The following MYO3A variants were observed in gnomAD, a reference collection of about 807,000 sequenced individuals.
MYO3A encodes the protein myosin-IIIa.
Under a neutral mutation model 192.7 loss-of-function variants are expected in MYO3A, and 180 were observed. That is an observed-to-expected ratio of 0.93 (90% CI 0.83 to 1.06). The LOEUF is 1.06. Ranked by LOEUF, MYO3A falls within the 50% of genes least tolerant of loss-of-function variation. MYO3A has a pLI of 0.00. For synonymous variants in MYO3A, 628 were observed against 645.3 expected, an observed-to-expected ratio of 0.97 and a Z score of 0.41; for missense variants, 1,896 against 1,905.0, an observed-to-expected ratio of 1.00 and a Z score of 0.09.
Position 26,170,408 on chromosome 10 carries a change from T to G in MYO3A, c.3275-8T>G. 6.2e-7 allele frequency: 1 copy of G among 1,613,094 alleles called. No homozygotes were observed. Among genetic ancestry groups the G allele is most frequent in the Non-Finnish European group, 8.5e-7 (1 of 1,179,402 alleles). ...AATTAACACTACTATGGGCTTTCTG[T>G]GTTTCAGCTGCAAGAGGACACCTTG... On this transcript the variant is annotated splice_polypyrimidine_tract_variant and splice_region_variant and intron_variant, in intron 28 of 34. Transcript: ENST00000642920.
intron 15 of MYO3A, among the ~76,000 whole-genome samples, chr10:26,089,066 G>A (rs950375087): frequency 6.6e-6 from 1 of 152,160 alleles, no homozygotes; most frequent in Non-Finnish European, 1.5e-5. Flanking sequence ...TAAAAGCATG[G>A]CAAGTTAGAA....
chr10:26,155,447 G>T (rs575507215), intron 25 of MYO3A, among the ~76,000 whole-genome samples: 2 of 152,002 alleles, frequency 1.3e-5, no homozygotes, highest in South Asian at 2.1e-4. Flanking sequence ...TCCAGTTCTT[G>T]TTTACCTATT....
chr10:25,983,336 A>G (rs913319601), intron 4 of MYO3A, among the ~76,000 whole-genome samples: 1 of 151,832 alleles, frequency 6.6e-6, no homozygotes, highest in Non-Finnish European at 1.5e-5. Context: ...GCTCACTGCA[A>G]GCTCCGCCTC....
intron 6 of MYO3A, among the ~76,000 whole-genome samples, chr10:26,016,460 C>A (rs889844489): frequency 1.3e-5 from 2 of 152,098 alleles, no homozygotes; most frequent in Non-Finnish European, 2.9e-5. Flanking sequence ...GGAGGAAGCA[C>A]GCCATTCAAA....
At chr10:26,010,362 AT>A (rs1459297330) in intron 6 of MYO3A, among the ~76,000 whole-genome samples, 2 of 151,082 alleles carry the variant, frequency 1.3e-5, no homozygotes, top group Non-Finnish European at 2.9e-5. Flanking sequence ...ACCTCAAAAG[AT>A]TTTTTAACCT....
At chr10:26,060,701 T>C (rs1834411948) in intron 10 of MYO3A, among the ~76,000 whole-genome samples, 1 of 152,180 alleles carries the variant, frequency 6.6e-6, no homozygotes, top group Non-Finnish European at 1.5e-5. Context: ...TAAGCAGTCA[T>C]GATTGATTAG....
intron 4 of MYO3A, among the ~76,000 whole-genome samples, chr10:25,965,230 A>C (rs1325306153): frequency 1.3e-5 from 2 of 151,902 alleles, no homozygotes; most frequent in Non-Finnish European, 2.9e-5. Context: ...AAGGCCAATA[A>C]CTCTTAGATT....
intron 12 of MYO3A, 42 bp from the exon 13 acceptor site, chr10:26,070,069 A>T (rs1835103452): frequency 6.9e-7 from 1 of 1,445,216 alleles, no homozygotes; most frequent in African/African-American, 1.4e-5. Context: ...GACTTAAATA[A>T]AAACAAAAAG....
At chr10:25,977,117 TAG>T (rs1326000613) in intron 4 of MYO3A, among the ~76,000 whole-genome samples, 1 of 152,196 alleles carries the variant, frequency 6.6e-6, no homozygotes, top group Admixed American at 6.5e-5. Flanking sequence ...AATGAAGAAT[TAG>T]AGAGTTCATG....
At chr10:26,173,517 T>C (rs1301869048) in intron 29 of MYO3A, 146 bp from the exon 30 acceptor site, 1 of 698,004 alleles carries the variant, frequency 1.4e-6, no homozygotes, top group Non-Finnish European at 2.3e-6. Context: ...AAGCACTTGA[T>C]TAATGTGACT....
At chr10:25,976,067 A>G (rs1838947725) in intron 4 of MYO3A, among the ~76,000 whole-genome samples, 1 of 152,224 alleles carries the variant, frequency 6.6e-6, no homozygotes, top group Non-Finnish European at 1.5e-5. Flanking sequence ...ACATTTGCTA[A>G]AATGGCTAAA....
chr10:25,991,433 A>T (rs9731443), intron 4 of MYO3A, among the ~76,000 whole-genome samples: 3,850 of 152,132 alleles, frequency 0.025, 183 homozygotes, highest in African/African-American at 0.087. Context: ...AGATGAGTAG[A>T]TTGCAAAAAT....
At chr10:26,086,650 A>G (rs1836338717) in intron 14 of MYO3A, among the ~76,000 whole-genome samples, 2 of 151,974 alleles carry the variant, frequency 1.3e-5, no homozygotes, top group Non-Finnish European at 2.9e-5. Context: ...GTGCTACCCC[A>G]GGTGTCTGAT....
chr10:26,164,353 C>G (rs1331958255), intron 26 of MYO3A, among the ~76,000 whole-genome samples: 1 of 148,028 alleles, frequency 6.8e-6, no homozygotes, highest in Non-Finnish European at 1.5e-5. Flanking sequence ...GAGATGGCCT[C>G]TAGAACACAG....
Position 26,190,356 on chromosome 10 carries a change from A to G in MYO3A, c.4439-2849A>G, listed in dbSNP as rs867807021. On this transcript the variant is annotated intron_variant, in intron 31 of 34. Transcript: ENST00000642920. ...CCTGGGAAGCAGAAATAATGCTGCC[A>G]TTGAGGTTGTAGTGTACAGAATGTT... 3.3e-5 allele frequency among the ~76,000 whole-genome samples: 5 copies of G among 152,360 alleles called. No homozygotes were observed. The South Asian group carries it at 8.3e-4, about 25-fold the overall frequency.
At chr10:26,087,062 G>A (rs956285730) in intron 14 of MYO3A, among the ~76,000 whole-genome samples, 2 of 152,104 alleles carry the variant, frequency 1.3e-5, no homozygotes, top group African/African-American at 4.8e-5. Flanking sequence ...GGATTTACCA[G>A]ATGCAAAAAC....
At chr10:26,007,828 T>C (rs12263565) in intron 6 of MYO3A, among the ~76,000 whole-genome samples, 2 of 151,142 alleles carry the variant, frequency 1.3e-5, no homozygotes, top group African/African-American at 2.5e-5. Flanking sequence ...TATAGATTCA[T>C]TGCCATCCCC....
At chr10:26,128,151 G>C (rs185797092) in intron 19 of MYO3A, among the ~76,000 whole-genome samples, 77 of 152,222 alleles carry the variant, frequency 5.1e-4, no homozygotes, top group African/African-American at 1.8e-3. Context: ...GTGTATAAAA[G>C]TATCGGAGTG....
At chr10:26,009,600 C>G (rs943666468) in intron 6 of MYO3A, among the ~76,000 whole-genome samples, 2 of 152,140 alleles carry the variant, frequency 1.3e-5, no homozygotes, top group Admixed American at 1.3e-4. Flanking sequence ...ATGTTGCTAT[C>G]AAGTTCACTC....
Sources: allele counts gnomAD v4.1 joint callset (sites outside exome capture counted in the v4.1 genomes callset), GRCh38; gene constraint gnomAD v4.1.1; transcripts MANE v1.5; gene names NCBI Gene and HGNC (gene_info 2026-07-23, HGNC 2026-07-21).